The following GRP variants were observed in gnomAD, a reference collection of about 807,000 sequenced individuals.
GRP encodes gastrin releasing peptide.
Under a neutral mutation model 12.7 loss-of-function variants are expected in GRP, and 11 were observed. That is an observed-to-expected ratio of 0.87 (90% confidence interval 0.55 to 1.44). GRP has a LOEUF of 1.44. Among genes scored for constraint, GRP ranks in the 40% most tolerant of loss-of-function variants. GRP has a pLI of 0.00. For synonymous variants in GRP, 84 were observed against 77.7 expected, an observed-to-expected ratio of 1.08 and a Z score of -0.43; for missense variants, 212 against 185.4, an observed-to-expected ratio of 1.14 and a Z score of -0.83.
intron 2 of GRP, among the ~76,000 whole-genome samples, chr18:59,227,024 T>TCTTTCTTTCTTTCTTC (rs1182960121): frequency 2.8e-5 from 4 of 145,186 alleles, no homozygotes; most frequent in Non-Finnish European, 4.5e-5. Context: ...TTTCTTTCTT[T>TCTTTCTTTCTTTCTTC]CTTTCTTTCT....
intron 1 of GRP, 142 bp downstream of exon 1, chr18:59,220,546 C>T (rs2069814952): frequency 1.5e-6 from 1 of 647,716 alleles, no homozygotes; most frequent in African/African-American, 1.9e-5. Context: ...TCGGCAAACA[C>T]CTTCCCCGTT....
Position 59,225,634 on chromosome 18 carries a change from A to G in GRP, c.282A>G (p.Arg94=). 1 of 1,614,204 alleles carries G rather than the reference A, an allele frequency of 6.2e-7. No homozygotes were observed. Among genetic ancestry groups the G allele is most frequent in the Non-Finnish European group, 8.5e-7 (1 of 1,180,006 alleles). ...LLGLIEAKEN[R]NHQPPQPKAL... is the part of the protein sequence containing the mutation. ...GTCTCATAGAAGCAAAGGAGAACAG[A>G]AACCACCAGCCACCTCAACCCAAGG... Residue 94 remains arginine, a synonymous_variant, in exon 2 of 3, where the codon AGA becomes AGG. Transcript: ENST00000256857.
intron 2 of GRP, 86 bp from the exon 3 acceptor site, chr18:59,230,318 T>C (rs961315671): frequency 2.5e-6 from 2 of 814,130 alleles, no homozygotes; most frequent in Non-Finnish European, 4.4e-6. Flanking sequence ...TCCCAAGTGA[T>C]GCTGATGACT....
In GRP at chr18:59,230,250, C is replaced by G. The variant is rs772064011; in HGVS notation, c.383-154C>G. On this transcript the variant is annotated intron_variant, in intron 2 of 2. Coordinates refer to ENST00000256857, the MANE Select transcript of GRP (RefSeq NM_002091.5). ...AGTACAGATTGCTGCGCTCCGCCCCCAGAGTTTCTGATTTAGTAGGTGTTA... is the reference window on the plus strand; with the variant it reads ...AGTACAGATTGCTGCGCTCCGCCCCGAGAGTTTCTGATTTAGTAGGTGTTA... Among the ~76,000 whole-genome samples the G allele has an allele frequency of 9.3e-4, 141 of 152,324 alleles. 1 individual carries two copies. The highest frequency in any genetic ancestry group is 2.9e-4 in the Non-Finnish European group (20 of 68,024).
At position 59,220,220 on chromosome 18, in the gene GRP, T is replaced by C. The variant is rs954450811; in HGVS notation, c.-46T>C. The C allele has an allele frequency of 7.2e-7, 1 of 1,391,608 alleles. No homozygotes were observed. The highest frequency in any genetic ancestry group is 1.5e-5 in the African/African-American group (1 of 66,006). The allele number at this position is 1,391,608 out of a possible 1,614,324, so 86.2% of individuals were successfully genotyped here. A position where few individuals can be genotyped will look rare whatever the true frequency, so the allele number is the denominator to read the frequency against. ...CGAGGTCCGGGTCACCAGTCTCTGC[T>C]CTTCCCAGCCTCTCCGGCGCGCTCC... On this transcript the variant is annotated 5_prime_UTR_variant, in exon 1 of 3. Coordinates refer to ENST00000256857, the MANE Select transcript of GRP (RefSeq NM_002091.5).
chr18:59,230,658 T>C lies in GRP; in HGVS notation c.*190T>C. The C allele has an allele frequency of 7.1e-6, 4 of 566,432 alleles. No individual in the cohort carries two copies. The highest frequency in any genetic ancestry group is 9.5e-6 in the Non-Finnish European group (3 of 316,220). The allele number at this position is 566,432 out of a possible 1,614,324, so 35.1% of individuals were successfully genotyped here. On this transcript the variant is annotated 3_prime_UTR_variant, in exon 3 of 3. Transcript: ENST00000256857. ...GTTTAAACTTGTTTGCTGTGAACAATTGTCGAAAAGAGTCTTCCAATTAAT... is the reference window on the plus strand; with the variant it reads ...GTTTAAACTTGTTTGCTGTGAACAACTGTCGAAAAGAGTCTTCCAATTAAT...
intron 1 of GRP, among the ~76,000 whole-genome samples, chr18:59,221,362 C>A (rs1194926858): frequency 6.6e-6 from 1 of 152,180 alleles, no homozygotes; most frequent in African/African-American, 2.4e-5. Context: ...TTTCGCTCAG[C>A]TGGGAGGCAG....
intron 1 of GRP, among the ~76,000 whole-genome samples, chr18:59,222,286 C>T (rs2069847494): frequency 6.6e-6 from 1 of 152,234 alleles, no homozygotes; most frequent in Non-Finnish European, 1.5e-5. Flanking sequence ...TTCCGCAGAA[C>T]ATCTGTCTCC....
At chr18:59,221,407 C>T (rs888733545) in intron 1 of GRP, among the ~76,000 whole-genome samples, 4 of 152,152 alleles carry the variant, frequency 2.6e-5, no homozygotes, top group African/African-American at 9.7e-5. Context: ...CCCAGCATCA[C>T]CCCAGGGCTC....
At chr18:59,219,918 G>A (rs1218504039), upstream of GRP, among the ~76,000 whole-genome samples, 2 of 152,152 alleles carry the variant, frequency 1.3e-5, no homozygotes, top group African/African-American at 4.8e-5. Flanking sequence ...AAGGCGTCGA[G>A]GACCGGAGGA....
At chr18:59,220,528 C>A in intron 1 of GRP, 124 bp downstream of exon 1, 1 of 820,770 alleles carries the variant, frequency 1.2e-6, no homozygotes, top group African/African-American at 1.8e-5. Flanking sequence ...TTTGTTGTGA[C>A]CTTTCTATCG....
upstream of GRP, chr18:59,220,118 C>CCCCCGG: frequency 5.2e-6 from 2 of 387,246 alleles, no homozygotes; most frequent in Non-Finnish European, 4.5e-6. Flanking sequence ...GCCCCCCCGC[C>CCCCCGG]CGGGCTTCCA....
chr18:59,219,790 A>G (rs1259714230), upstream of GRP, among the ~76,000 whole-genome samples: 4 of 151,202 alleles, frequency 2.6e-5, no homozygotes, highest in South Asian at 8.4e-4. Flanking sequence ...TACACCCCCC[A>G]CCCCTCCCGG....
At chr18:59,220,107 A>ACCC, upstream of GRP, 1 of 198,492 alleles carries the variant, frequency 5.0e-6, no homozygotes, top group Non-Finnish European at 1.0e-5. Flanking sequence ...AGAGCCCCCC[A>ACCC]GCCCCCCCGC....
chr18:59,230,541 G>A lies in GRP; in HGVS notation c.*73G>A. 1.2e-6 allele frequency: 1 copy of A among 830,186 alleles called. No individual in the cohort carries two copies. The highest frequency in any genetic ancestry group is 2.1e-6 in the Non-Finnish European group (1 of 471,704). The allele number at this position is 830,186 out of a possible 1,614,324, so 51.4% of individuals were successfully genotyped here. A position where few individuals can be genotyped will look rare whatever the true frequency, so the allele number is the denominator to read the frequency against. On this transcript the variant is annotated 3_prime_UTR_variant, in exon 3 of 3. Coordinates refer to ENST00000256857, the MANE Select transcript of GRP (RefSeq NM_002091.5). ...GCGTTCTGCAAGCATCAGTTCTACGGATCATCAACAAGATTTCCTTGTGCA... is the reference window on the plus strand; with the variant it reads ...GCGTTCTGCAAGCATCAGTTCTACGAATCATCAACAAGATTTCCTTGTGCA...
intron 2 of GRP, 134 bp from the exon 3 acceptor site, chr18:59,230,270 G>C: frequency 3.1e-6 from 2 of 655,548 alleles, no homozygotes; most frequent in Non-Finnish European, 5.5e-6. Context: ...GATTTAGTAG[G>C]TGTTAGGCTG....
At chr18:59,229,879 C>T (rs1277588224) in intron 2 of GRP, among the ~76,000 whole-genome samples, 1 of 152,194 alleles carries the variant, frequency 6.6e-6, no homozygotes, top group African/African-American at 2.4e-5. Context: ...CACACTACTA[C>T]CATTTACAGT....
intron 1 of GRP, among the ~76,000 whole-genome samples, chr18:59,220,993 C>G (rs1186219415): frequency 6.6e-6 from 1 of 152,198 alleles, no homozygotes; most frequent in Non-Finnish European, 1.5e-5. Flanking sequence ...CTGTGACTCT[C>G]TGGAGTTTCC....
intron 2 of GRP, among the ~76,000 whole-genome samples, chr18:59,227,034 T>TTTCTTTCC (rs2069947345): frequency 7.0e-6 from 1 of 143,314 alleles, no homozygotes; most frequent in Non-Finnish European, 1.5e-5. Flanking sequence ...TCTTTCTTTC[T>TTTCTTTCC]TTCTTTCTTT....
Sources: gnomAD v4.1 joint callset for allele counts (sites outside exome capture counted in the v4.1 genomes callset) on GRCh38, gnomAD v4.1.1 for gene constraint, MANE v1.5 for transcripts, NCBI Gene and HGNC (gene_info 2026-07-23, HGNC 2026-07-21) for gene names.